Variants in FGD5 observed in about 807,000 individuals in gnomAD.
The protein encoded by FGD5 is FYVE, RhoGEF and PH domain-containing protein 5.
Under a neutral mutation model 133.4 loss-of-function variants are expected in FGD5, and 28 were observed. That is an observed-to-expected ratio of 0.21 (90% CI 0.16 to 0.29). The LOEUF is 0.29. Among genes scored for constraint, FGD5 ranks in the 10% least tolerant of loss-of-function variants. The pLI, the probability that FGD5 is intolerant of heterozygous loss-of-function variation, is 1.00. For missense variants in FGD5, 1,858 were observed against 1,895.2 expected (o/e 0.98, Z 0.36); for synonymous variants, 810 against 776.5 (o/e 1.04, Z -0.72).
chr3:14,817,970 A>G (rs978588059), upstream of FGD5, among the ~76,000 whole-genome samples: 2 of 152,194 alleles, frequency 1.3e-5, no homozygotes, highest in Non-Finnish European at 2.9e-5. Context: ...GCTGAGCTCA[A>G]AAGTTGGCAA....
At chr3:14,913,187 C>T (rs530414033) in intron 11 of FGD5, among the ~76,000 whole-genome samples, 9 of 149,424 alleles carry the variant, frequency 6.0e-5, no homozygotes, top group African/African-American at 1.8e-4. Context: ...CCTCAAGTCT[C>T]CCCCCAGGAA....
In FGD5 at chr3:14,820,429, T is replaced by G. The variant is rs1222638479; in HGVS notation, c.1358T>G (p.Leu453Arg). Residue 453 changes from leucine (L) to arginine (R), a missense_variant, in exon 1 of 20, where the codon CTG becomes CGG. Leu to Arg is a moderately radical substitution (Grantham distance 102). Transcript: ENST00000285046. ...GEGGQAASDA[L>R]GGYGSKEELN... ...GGAGGGCAGGCTGCATCGGACGCCC[T>G]GGGTGGTTATGGCTCGAAAGAAGAA... The G allele has an allele frequency of 1.9e-6, 3 of 1,613,786 alleles. No homozygotes were observed. Among genetic ancestry groups the G allele is most frequent in the East Asian group, 4.5e-5 (2 of 44,870 alleles).
chr3:14,933,210 T>C lies in FGD5; in HGVS notation c.*43T>C, dbSNP rs2038927943. On this transcript the variant is annotated 3_prime_UTR_variant, in exon 20 of 20. Transcript: ENST00000285046. Reference sequence around the variant, plus strand: ...GACTTGTAACAAATTCTTAGGTCAATATGTGAATGCTTTTAGAAGCTAAGC... The same window carrying C: ...GACTTGTAACAAATTCTTAGGTCAACATGTGAATGCTTTTAGAAGCTAAGC... 3 of 1,602,734 alleles carry C rather than the reference T, an allele frequency of 1.9e-6. No individual in the cohort carries two copies. The highest frequency in any genetic ancestry group is 2.6e-6 in the Non-Finnish European group (3 of 1,173,184).
intron 1 of FGD5, among the ~76,000 whole-genome samples, chr3:14,834,458 C>T (rs2036776194): frequency 6.6e-6 from 1 of 152,196 alleles, no homozygotes; most frequent in South Asian, 2.1e-4. Flanking sequence ...TGCAAGTGCT[C>T]ACTGCACTGG....
intron 4 of FGD5, among the ~76,000 whole-genome samples, chr3:14,883,973 G>A (rs753752099): frequency 1.3e-5 from 2 of 152,220 alleles, no homozygotes; most frequent in Non-Finnish European, 2.9e-5. Flanking sequence ...CAGGCTCATG[G>A]TATGTTTGGA....
intron 2 of FGD5, among the ~76,000 whole-genome samples, chr3:14,871,574 C>T (rs927896904): frequency 3.9e-5 from 6 of 152,082 alleles, no homozygotes; most frequent in African/African-American, 7.2e-5. Flanking sequence ...CATTGCAAGG[C>T]GGGTGACAGA....
At chr3:14,870,651 C>T (rs549546561) in intron 2 of FGD5, among the ~76,000 whole-genome samples, 5 of 152,314 alleles carry the variant, frequency 3.3e-5, no homozygotes, top group South Asian at 4.1e-4. Flanking sequence ...GTGCCCTCTT[C>T]GCCGGCAGCC....
chr3:14,829,928 C>T (rs1384753001), intron 1 of FGD5, among the ~76,000 whole-genome samples: 2 of 152,270 alleles, frequency 1.3e-5, no homozygotes, highest in South Asian at 2.1e-4. Flanking sequence ...CTACCGTAGA[C>T]AGCGCTGCAG....
rs530272116 is a variant in FGD5, at chr3:14,919,129, C to G, written c.3569+296C>G. ...AGCAATGTCTCATGTTTGTGGAGCT[C>G]TTTATGGATGATTGGGTCTCTACAG... On this transcript the variant is annotated intron_variant, in intron 13 of 19. Coordinates refer to ENST00000285046, the MANE Select transcript of FGD5 (RefSeq NM_152536.4). Among the ~76,000 whole-genome samples the G allele has an allele frequency of 3.0e-4, 46 of 152,216 alleles. 1 individual carries two copies. Among genetic ancestry groups the G allele is most frequent in the African/African-American group, 1.1e-3 (45 of 41,526 alleles).
In FGD5 at chr3:14,897,511, T is replaced by C; in HGVS notation, c.2751T>C (p.Asp917=). 1 of 1,604,104 alleles carries C rather than the reference T, an allele frequency of 6.2e-7. No homozygotes were observed. The highest frequency in any genetic ancestry group is 8.5e-7 in the Non-Finnish European group (1 of 1,175,466). The change falls in exon 5 of 20, where the codon GAT becomes GAC. Residue 917 remains aspartate (D), a splice_region_variant and synonymous_variant. Transcript: ENST00000285046. ...YVEMLQHLNL[D]FHGAVMRALD... is the part of the protein sequence containing the mutation. ...TAACAGACCTTTTGGTGTTTCAGGA[T>C]TTCCATGGAGCTGTCATGAGGGCCT...
chr3:14,849,026 A>T (rs1162841859), intron 1 of FGD5, among the ~76,000 whole-genome samples: 1 of 152,210 alleles, frequency 6.6e-6, no homozygotes, highest in African/African-American at 2.4e-5. Flanking sequence ...TGTTTGGAGT[A>T]GAGGAGGCAG....
intron 4 of FGD5, among the ~76,000 whole-genome samples, chr3:14,887,634 C>T (rs925957545): frequency 6.6e-6 from 1 of 152,050 alleles, no homozygotes; most frequent in Non-Finnish European, 1.5e-5. Flanking sequence ...AAAGTCTCCG[C>T]CCTCAAGGCA....
Position 14,922,911 on chromosome 3 carries a change from C to G in FGD5, c.3808-135C>G. On this transcript the variant is annotated intron_variant, in intron 15 of 19. Transcript: ENST00000285046. The surrounding 1 kb of genome is among the most constrained non-coding windows in gnomAD (Gnocchi z 4.1). The stretch of plus-strand genomic sequence containing the variant: ...CCTTGCCGGAAAAGTAGGGGACACG[C>G]ACAGCTCCATGATCAGAACCTGGGG... 7.9e-7 allele frequency: 1 copy of G among 1,268,100 alleles called. No homozygotes were observed. The highest frequency in any genetic ancestry group is 2.3e-5 in the East Asian group (1 of 42,796). The allele number at this position is 1,268,100 out of a possible 1,614,324, so 78.6% of individuals were successfully genotyped here.
chr3:14,911,037 G>T, intron 11 of FGD5, 108 bp downstream of exon 11: 2 of 1,084,120 alleles, frequency 1.8e-6, no homozygotes, highest in South Asian at 1.5e-5. Flanking sequence ...GAGTAGAACA[G>T]AGCAGACATT....
intron 1 of FGD5, among the ~76,000 whole-genome samples, chr3:14,845,066 C>A (rs902451): frequency 0.66 from 100,341 of 151,864 alleles, 33,456 homozygotes; most frequent in African/African-American, 0.74. Flanking sequence ...AGCAGAAATT[C>A]TGCCTCCACT....
chr3:14,910,821 G>T (rs1213649341), intron 10 of FGD5, 40 bp from the exon 11 acceptor site: 1 of 1,589,056 alleles, frequency 6.3e-7, no homozygotes, highest in Non-Finnish European at 8.6e-7. Flanking sequence ...GATTCAGGGG[G>T]CATCAGCCTG....
At chr3:14,835,442 G>A (rs1340154503) in intron 1 of FGD5, among the ~76,000 whole-genome samples, 3 of 151,954 alleles carry the variant, frequency 2.0e-5, no homozygotes, top group Non-Finnish European at 4.4e-5. Context: ...GGAGGTTGCA[G>A]TGAGCCGAGA....
At chr3:14,912,475 T>C (rs1450648229) in intron 11 of FGD5, among the ~76,000 whole-genome samples, 1 of 152,204 alleles carries the variant, frequency 6.6e-6, no homozygotes, top group Non-Finnish European at 1.5e-5. Context: ...GTGCGTGGTT[T>C]AGATTTGGGT....
intron 12 of FGD5, 44 bp from the exon 13 acceptor site, chr3:14,918,710 C>A (rs778234450): frequency 1.9e-6 from 3 of 1,585,502 alleles, no homozygotes; most frequent in Admixed American, 1.7e-5. Flanking sequence ...CTACACTTGC[C>A]CCTCCCTGCC....
Sources: gnomAD v4.1 joint callset for allele counts (sites outside exome capture counted in the v4.1 genomes callset) on GRCh38, gnomAD v4.1.1 for gene constraint, Gnocchi (gnomAD v3.1) non-coding constraint, MANE v1.5 for transcripts, NCBI Gene and HGNC (gene_info 2026-07-23, HGNC 2026-07-21) for gene names.